Variants in ITGA6 observed in about 807,000 individuals in gnomAD.
ITGA6 encodes integrin alpha-6.
Under a neutral mutation model 133.6 loss-of-function variants are expected in ITGA6, and 63 were observed. That is an observed-to-expected ratio of 0.47 (90% CI 0.38 to 0.58). The LOEUF is 0.58. ITGA6 is among the 20% of genes least tolerant of loss of function. The pLI, the probability that ITGA6 is intolerant of heterozygous loss-of-function variation, is 0.00. For synonymous variants in ITGA6, 434 were observed against 482.0 expected, an observed-to-expected ratio of 0.90 and a Z score of 1.30; for missense variants, 1,068 against 1,309.4, an observed-to-expected ratio of 0.82 and a Z score of 2.85.
At chr2:172,492,830 C>T (rs1686977467) in intron 23 of ITGA6, among the ~76,000 whole-genome samples, 1 of 152,226 alleles carries the variant, frequency 6.6e-6, no homozygotes. Context: ...GCTGAAAATT[C>T]AGGGAGCCTC....
At chr2:172,477,683 G>T (rs1041090625) in intron 9 of ITGA6, among the ~76,000 whole-genome samples, 2 of 152,186 alleles carry the variant, frequency 1.3e-5, no homozygotes, top group Non-Finnish European at 2.9e-5. Context: ...CTGTACACTT[G>T]TTCCCTCTTT....
intron 1 of ITGA6, among the ~76,000 whole-genome samples, chr2:172,449,259 A>G (rs951392974): frequency 1.6e-4 from 25 of 152,204 alleles, no homozygotes; most frequent in African/African-American, 4.3e-4. Context: ...TTACCCCCCA[A>G]TTGCTGAGAT....
In ITGA6 at chr2:172,435,027, A is replaced by AGTGTGTGTGTGTGT. The variant is rs72087668; in HGVS notation, c.182+7076_182+7089dup. On this transcript the variant is annotated intron_variant, in intron 1 of 25. Coordinates refer to ENST00000684293, the MANE Select transcript of ITGA6 (RefSeq NM_000210.4). ...GTTCATTTGTACTGAGGTGGTTTTA[A>AGTGTGTGTGTGTGT]GTGTGTGTGTGTGTGTGTGTGTGTG... Among the ~76,000 whole-genome samples, 917 of 144,132 alleles carry AGTGTGTGTGTGTGT rather than the reference A, an allele frequency of 6.4e-3. 18 individuals are homozygous for AGTGTGTGTGTGTGT. The highest frequency in any genetic ancestry group is 0.021 in the African/African-American group (825 of 39,056). 94.6% of individuals were successfully genotyped at this position (144,132 alleles called of 152,430 possible).
At position 172,476,527 on chromosome 2, in the gene ITGA6, G is replaced by T. The variant is rs1405886805; in HGVS notation, c.1388+14G>T. 34 of 1,398,436 alleles carry T rather than the reference G, an allele frequency of 2.4e-5. No individual in the cohort carries two copies. Among genetic ancestry groups the T allele is most frequent in the Non-Finnish European group, 3.3e-5 (32 of 983,450 alleles). 86.6% of individuals were successfully genotyped at this position (1,398,436 alleles called of 1,614,324 possible). A position where few individuals can be genotyped will look rare whatever the true frequency, so the allele number is the denominator to read the frequency against. On this transcript the variant is annotated intron_variant, in intron 9 of 25. Transcript: ENST00000684293. ...AACTATTTTCAGGTCTGTTATCTAT[G>T]ATTTTAGTGTTAAGCATGTTCTATA...
intron 23 of ITGA6, chr2:172,495,236 T>C (rs1687080294): frequency 6.6e-6 from 1 of 152,226 alleles, no homozygotes; most frequent in South Asian, 2.1e-4. Context: ...AGAGCTTATA[T>C]CCCTCTTCCC....
At chr2:172,486,228 A>G (rs573966644) in intron 13 of ITGA6, among the ~76,000 whole-genome samples, 9 of 149,774 alleles carry the variant, frequency 6.0e-5, no homozygotes, top group African/African-American at 2.2e-4. Context: ...TCTGTCCACT[A>G]TGGGGCTGCT....
intron 3 of ITGA6, chr2:172,468,908 G>A (rs961151570): frequency 2.2e-5 from 12 of 544,062 alleles, no homozygotes; most frequent in Non-Finnish European, 3.9e-5. Flanking sequence ...TTCTGAGTGA[G>A]AATAAGGCAC....
rs1686138806 is a variant in ITGA6 at position 172,475,585 on chromosome 2, T to C, written c.1181-12T>C. Reference sequence around the variant, plus strand: ...CGTTTGTTAAAATGTTAAAATGTGATGTTGTCAACAGATATTGCAGTTGGA... The same window carrying C: ...CGTTTGTTAAAATGTTAAAATGTGACGTTGTCAACAGATATTGCAGTTGGA... On this transcript the variant is annotated splice_polypyrimidine_tract_variant and intron_variant, in intron 7 of 25. Coordinates refer to ENST00000684293, the MANE Select transcript of ITGA6 (RefSeq NM_000210.4). 1 of 1,451,334 alleles carries C rather than the reference T, an allele frequency of 6.9e-7. No homozygotes were observed. The highest frequency in any genetic ancestry group is 9.7e-7 in the Non-Finnish European group (1 of 1,031,430). The allele number at this position is 1,451,334 out of a possible 1,614,324, so 89.9% of individuals were successfully genotyped here. A position where few individuals can be genotyped will look rare whatever the true frequency, so the allele number is the denominator to read the frequency against.
At chr2:172,487,655 A>C in intron 16 of ITGA6, 25 bp downstream of exon 16, 1 of 1,607,672 alleles carries the variant, frequency 6.2e-7, no homozygotes, top group African/African-American at 1.3e-5. Context: ...CATATACTGT[A>C]TTTTACTGTT....
chr2:172,469,440 T>TAGTACCATGATTG, intron 4 of ITGA6, 60 bp downstream of exon 4: 2 of 1,493,218 alleles, frequency 1.3e-6, no homozygotes, highest in East Asian at 4.6e-5. Context: ...TAATATGATT[T>TAGTACCATGATTG]AGTACATTTT....
intron 24 of ITGA6, among the ~76,000 whole-genome samples, chr2:172,500,183 T>G (rs1687291080): frequency 6.6e-6 from 1 of 151,984 alleles, no homozygotes; most frequent in South Asian, 2.1e-4. Flanking sequence ...TCAACCACAG[T>G]AGTTCAGATT....
At chr2:172,447,227 T>A (rs1479377353) in intron 1 of ITGA6, among the ~76,000 whole-genome samples, 1 of 151,924 alleles carries the variant, frequency 6.6e-6, no homozygotes, top group Non-Finnish European at 1.5e-5. Flanking sequence ...ATTTATTTAT[T>A]TTTTATTTTG....
chr2:172,453,932 C>T (rs1298738730), intron 1 of ITGA6, among the ~76,000 whole-genome samples: 4 of 152,182 alleles, frequency 2.6e-5, no homozygotes, highest in Non-Finnish European at 1.5e-5. Context: ...ATGGAGCTGA[C>T]CTTCTGGGGA....
At chr2:172,438,496 C>T (rs1684414093) in intron 1 of ITGA6, among the ~76,000 whole-genome samples, 5 of 151,852 alleles carry the variant, frequency 3.3e-5, no homozygotes, top group Admixed American at 3.3e-4. Context: ...GTAAGAACTT[C>T]ACTGAGGCAG....
intron 1 of ITGA6, among the ~76,000 whole-genome samples, chr2:172,438,976 A>G (rs1459208493): frequency 6.6e-6 from 1 of 151,974 alleles, no homozygotes; most frequent in African/African-American, 2.4e-5. Context: ...CCTTTGTGCT[A>G]TATTTGAGCT....
At chr2:172,449,410 C>T (rs1684892563) in intron 1 of ITGA6, among the ~76,000 whole-genome samples, 1 of 151,834 alleles carries the variant, frequency 6.6e-6, no homozygotes, top group South Asian at 2.1e-4. Flanking sequence ...AGGTTGTATT[C>T]ATCCCATTTA....
chr2:172,484,211 G>T (rs1377640913), intron 11 of ITGA6, among the ~76,000 whole-genome samples: 1 of 152,170 alleles, frequency 6.6e-6, no homozygotes, highest in African/African-American at 2.4e-5. Flanking sequence ...TCCTTTATCA[G>T]TGCTTCTTAA....
chr2:172,503,192 A>AT (rs1687418006), intron 25 of ITGA6, among the ~76,000 whole-genome samples: 1 of 152,180 alleles, frequency 6.6e-6, no homozygotes, highest in African/African-American at 2.4e-5. Flanking sequence ...TCTAAACTGC[A>AT]TTTTAAAGTT....
intron 1 of ITGA6, among the ~76,000 whole-genome samples, chr2:172,429,912 C>T (rs1236014446): frequency 6.6e-6 from 1 of 152,128 alleles, no homozygotes; most frequent in African/African-American, 2.4e-5. Context: ...CCAGGAGAAC[C>T]AGCACACACA....
Sources: allele counts gnomAD v4.1 joint callset (sites outside exome capture counted in the v4.1 genomes callset), GRCh38; gene constraint gnomAD v4.1.1; transcripts MANE v1.5; gene names NCBI Gene and HGNC (gene_info 2026-07-23, HGNC 2026-07-21).